AKAP9: variants seen among roughly 807,000 people sequenced by gnomAD.
AKAP9 encodes A-kinase anchor protein 9.
A neutral mutation model predicts 488.5 loss-of-function variants in AKAP9; 311 were observed. The ratio of observed to expected loss-of-function variants is 0.64; its 90% CI spans 0.58 to 0.70. The LOEUF (loss-of-function observed/expected upper bound fraction) is 0.70. Ranked by LOEUF, AKAP9 falls within the 30% of genes least tolerant of loss-of-function variation. The pLI, the probability that AKAP9 is intolerant of heterozygous loss-of-function variation, is 0.00. For missense variants in AKAP9, 4,215 were observed against 4,374.5 expected, an observed-to-expected ratio of 0.96 and a Z score of 1.03; for synonymous variants, 1,462 against 1,483.5, an observed-to-expected ratio of 0.99 and a Z score of 0.33.
chr7:92,102,491 C>T (rs866341958), intron 45 of AKAP9, 103 bp from the exon 46 acceptor site: 854 of 655,338 alleles, frequency 1.3e-3, no homozygotes, highest in East Asian at 1.9e-3. Flanking sequence ...CTACTACTAC[C>T]ACCACCACCA....
At chr7:92,035,590 A>G (rs1286212759) in intron 16 of AKAP9, among the ~76,000 whole-genome samples, 2 of 152,076 alleles carry the variant, frequency 1.3e-5, no homozygotes, top group Non-Finnish European at 2.9e-5. Context: ...TATGCTCTGG[A>G]TGTCATTATA....
At position 92,052,906 on chromosome 7, in the gene AKAP9, T is replaced by C; in HGVS notation, c.5549T>C (p.Leu1850Pro). The part of the protein sequence containing the change: ...EELMLNISSR[L>P]QAAVEKLLEA... The stretch of plus-strand genomic sequence containing the variant: ...CTTATGCTGAACATTAGCTCTCGAC[T>C]ACAAGCAGCAGTTGAAAAACTCCTA... The change falls in exon 22 of 50, where the codon CTA becomes CCA. Residue 1850 changes from leucine to proline, a missense_variant. Physicochemically the swap from Leu to Pro is moderately conservative, Grantham distance 98 (BLOSUM62 -3). Transcript: ENST00000356239. 6.2e-7 allele frequency: 1 copy of C among 1,613,796 alleles called. No homozygotes were observed. The highest frequency in any genetic ancestry group is 8.5e-7 in the Non-Finnish European group (1 of 1,179,834).
At chr7:91,959,781 A>T (rs984211289) in intron 1 of AKAP9, among the ~76,000 whole-genome samples, 2 of 152,176 alleles carry the variant, frequency 1.3e-5, no homozygotes, top group African/African-American at 2.4e-5. Context: ...TGGACTGGTC[A>T]CTCAATATGT....
chr7:91,990,311 T>C (rs1797599274), intron 3 of AKAP9, among the ~76,000 whole-genome samples: 1 of 152,068 alleles, frequency 6.6e-6, no homozygotes, highest in Admixed American at 6.5e-5. Context: ...TAGTTATCAA[T>C]AAAATAATTA....
At chr7:91,951,297 C>T (rs1792214515) in intron 1 of AKAP9, among the ~76,000 whole-genome samples, 1 of 151,698 alleles carries the variant, frequency 6.6e-6, no homozygotes, top group Non-Finnish European at 1.5e-5. Flanking sequence ...CTCTCTTTCT[C>T]TCTATTTTCT....
intron 8 of AKAP9, 80 bp from the exon 9 acceptor site, chr7:92,012,349 A>G: frequency 2.4e-6 from 3 of 1,275,190 alleles, no homozygotes; most frequent in Non-Finnish European, 3.3e-6. Context: ...TCTTGTAGTC[A>G]GTATATGCAA....
chr7:92,069,550 A>G (rs988208860), intron 26 of AKAP9, among the ~76,000 whole-genome samples: 16 of 152,318 alleles, frequency 1.1e-4, no homozygotes, highest in African/African-American at 3.8e-4. Flanking sequence ...AAATGAAGAT[A>G]TGTTTTATAT....
At chr7:92,048,411 G>T (rs1015824346) in intron 21 of AKAP9, among the ~76,000 whole-genome samples, 1 of 152,086 alleles carries the variant, frequency 6.6e-6, no homozygotes, top group South Asian at 2.1e-4. Flanking sequence ...GGGAAATTTT[G>T]AGCTAACATA....
In AKAP9 at chr7:92,079,772, G is replaced by T; in HGVS notation, c.7639G>T (p.Val2547Phe). The T allele has an allele frequency of 6.2e-7, 1 of 1,614,068 alleles. No individual in the cohort carries two copies. The highest frequency in any genetic ancestry group is 8.5e-7 in the Non-Finnish European group (1 of 1,179,986). ...QKKIVNLQKI[V>F]EEKVAAALVS... is the part of the protein sequence containing the mutation. ...GAAGATTGTAAACCTACAGAAAATA[G>T]TTGAAGAAAAAGTGGCTGCTGCTCT... Residue 2547 changes from valine to phenylalanine, a missense_variant, in exon 31 of 50, where the codon GTT (valine) becomes TTT (phenylalanine). By Grantham distance (50) the Val-to-Phe change is conservative. Transcript: ENST00000356239.
At chr7:91,966,290 A>G (rs1206307321) in intron 1 of AKAP9, among the ~76,000 whole-genome samples, 1 of 152,116 alleles carries the variant, frequency 6.6e-6, no homozygotes, top group Non-Finnish European at 1.5e-5. Flanking sequence ...CCAATGTCCT[A>G]GAGTATTTCT....
rs147247719 is a variant in AKAP9 at position 92,001,559 on chromosome 7, A to G, written c.1642A>G (p.Arg548Gly). The G allele has an allele frequency of 2.8e-5, 45 of 1,613,932 alleles. No homozygotes were observed. The East Asian group carries it at 9.4e-4, about 34-fold the overall frequency. Residue 548 changes from arginine to glycine, a missense_variant, in exon 8 of 50, where the codon AGA (arginine) becomes GGA (glycine). By Grantham distance (125) the Arg-to-Gly change is moderately radical. This residue lies in a region of AKAP9 where 2,361 missense variants were observed against 2,430.0 expected (regional missense o/e 0.97). Coordinates refer to ENST00000356239, the MANE Select transcript of AKAP9 (RefSeq NM_005751.5). ...TTCAAGGGAACAGATTCAGAGAGCT[A>G]GACAGACAATAGCTGAACAAGAAAG... is the stretch of plus-strand genomic sequence containing the variant. Reference protein sequence around the residue: ...SFSREQIQRARQTIAEQESKL... With the variant: ...SFSREQIQRAGQTIAEQESKL...
intron 1 of AKAP9, among the ~76,000 whole-genome samples, chr7:91,958,029 G>C (rs1793269997): frequency 6.6e-6 from 1 of 152,134 alleles, no homozygotes; most frequent in Non-Finnish European, 1.5e-5. Flanking sequence ...TTCAGGAATG[G>C]AGTAAGAAGA....
Position 92,097,299 on chromosome 7 carries a change from A to G in AKAP9, c.10340A>G (p.Glu3447Gly). ...QGIMQEFQKQ[E>G]LEREEKRESR... ...ATCATGCAGGAATTCCAGAAGCAAG[A>G]ACTAGAACGAGAAGAAAAACGAGAA... Residue 3447 changes from glutamate to glycine, a missense_variant, in exon 41 of 50, where the codon GAA becomes GGA. Glu to Gly is a moderately conservative substitution (Grantham distance 98, BLOSUM62 -2). Transcript: ENST00000356239. 1.6e-5 allele frequency: 26 copies of G among 1,613,918 alleles called. No individual in the cohort carries two copies. The highest frequency in any genetic ancestry group is 2.1e-5 in the Non-Finnish European group (25 of 1,180,012).
chr7:91,969,008 A>G (rs902534916), intron 1 of AKAP9, among the ~76,000 whole-genome samples: 2 of 152,050 alleles, frequency 1.3e-5, no homozygotes, highest in African/African-American at 2.4e-5. Context: ...AGTAGCTGGC[A>G]CCACAGGCGT....
chr7:92,024,441 A>G (rs947430074), intron 14 of AKAP9, among the ~76,000 whole-genome samples: 8 of 146,458 alleles, frequency 5.5e-5, no homozygotes, highest in Admixed American at 1.4e-4. Flanking sequence ...GTGTGTGTGT[A>G]TATATATATA....
At chr7:92,036,149 T>C (rs1403943374) in intron 16 of AKAP9, among the ~76,000 whole-genome samples, 1 of 152,140 alleles carries the variant, frequency 6.6e-6, no homozygotes, top group Non-Finnish European at 1.5e-5. Context: ...GTTATTTTTA[T>C]GCCAGAACTT....
At chr7:92,039,509 G>A (rs1805714674) in intron 17 of AKAP9, among the ~76,000 whole-genome samples, 1 of 152,102 alleles carries the variant, frequency 6.6e-6, no homozygotes, top group Non-Finnish European at 1.5e-5. Context: ...CCTAATTCTT[G>A]ATTTATGTAC....
At chr7:92,030,659 G>C (rs564619915) in intron 15 of AKAP9, among the ~76,000 whole-genome samples, 1 of 150,908 alleles carries the variant, frequency 6.6e-6, no homozygotes, top group Non-Finnish European at 1.5e-5. Context: ...AAAAAAAAAG[G>C]GTTTAGGAAT....
chr7:91,969,012 C>T (rs1318357669), intron 1 of AKAP9, among the ~76,000 whole-genome samples: 1 of 152,076 alleles, frequency 6.6e-6, no homozygotes, highest in Non-Finnish European at 1.5e-5. Context: ...GCTGGCACCA[C>T]AGGCGTGGGA....
Sources: gnomAD v4.1 joint callset for allele counts (sites outside exome capture counted in the v4.1 genomes callset) on GRCh38, gnomAD v4.1.1 for gene constraint, gnomAD v4.1.1 regional missense constraint, MANE v1.5 for transcripts, NCBI Gene and HGNC (gene_info 2026-07-23, HGNC 2026-07-21) for gene names.